GRIA1: variants seen among roughly 807,000 people sequenced by gnomAD.
GRIA1 encodes the protein glutamate ionotropic receptor AMPA type subunit 1, also known as glutamate receptor 1.
GRIA1 carries 31 observed loss-of-function variants against 99.2 expected under a neutral mutation model. That is an observed-to-expected ratio of 0.31 (90% confidence interval 0.23 to 0.42). GRIA1 has a LOEUF of 0.42. Among genes scored for constraint, GRIA1 ranks in the 10% least tolerant of loss-of-function variants. The probability of loss-of-function intolerance (pLI) is 1.00; values close to 1 mark genes in which losing one functional copy is unlikely to be tolerated. For synonymous variants in GRIA1, 438 were observed against 432.4 expected, an observed-to-expected ratio of 1.01 and a Z score of -0.16; for missense variants, 782 against 1,157.5, an observed-to-expected ratio of 0.68 and a Z score of 4.71.
At chr5:153,751,151 G>A (rs34343406) in intron 11 of GRIA1, among the ~76,000 whole-genome samples, 2,087 of 152,298 alleles carry the variant, frequency 0.014, 18 homozygotes, top group Middle Eastern at 0.031. Flanking sequence ...TTTGCCCAAA[G>A]TCATACAACC....
intron 11 of GRIA1, among the ~76,000 whole-genome samples, chr5:153,763,622 T>A (rs1581615958): frequency 1.3e-5 from 2 of 152,142 alleles, no homozygotes; most frequent in Admixed American, 1.3e-4. Flanking sequence ...TCTTGTAATA[T>A]CTTGGGAAGC....
At chr5:153,593,470 T>C (rs1233571099) in intron 2 of GRIA1, among the ~76,000 whole-genome samples, 1 of 152,208 alleles carries the variant, frequency 6.6e-6, no homozygotes, top group Admixed American at 6.5e-5. Flanking sequence ...ATTAAATTAA[T>C]ATTCAGTATT....
At chr5:153,810,147 T>G (rs1766718422) in intron 15 of GRIA1, among the ~76,000 whole-genome samples, 1 of 152,240 alleles carries the variant, frequency 6.6e-6, no homozygotes, top group Admixed American at 6.5e-5. Flanking sequence ...TTAACTCATC[T>G]GATTCTGGGG....
intron 2 of GRIA1, among the ~76,000 whole-genome samples, chr5:153,591,369 G>A (rs1382463071): frequency 2.0e-5 from 3 of 152,158 alleles, no homozygotes; most frequent in Non-Finnish European, 4.4e-5. Flanking sequence ...TTGTCACGCA[G>A]CATTGTGCTA....
chr5:153,570,544 A>C (rs902271841), intron 2 of GRIA1, among the ~76,000 whole-genome samples: 3 of 152,196 alleles, frequency 2.0e-5, no homozygotes, highest in Non-Finnish European at 2.9e-5. Flanking sequence ...CAGAATAGAC[A>C]ATTTTTTTTC....
intron 11 of GRIA1, among the ~76,000 whole-genome samples, chr5:153,748,138 T>C (rs572382716): frequency 6.6e-6 from 1 of 152,182 alleles, no homozygotes; most frequent in Non-Finnish European, 1.5e-5. Context: ...TTGGTACATA[T>C]GTAATTATAT....
chr5:153,689,469 G>C (rs779221196), intron 8 of GRIA1, among the ~76,000 whole-genome samples: 7 of 152,180 alleles, frequency 4.6e-5, no homozygotes, highest in South Asian at 2.1e-4. Context: ...TATGGATGTC[G>C]AACTGTTTTC....
rs181070112 is a variant in GRIA1 at position 153,625,301 on chromosome 5, C to A, written c.221-21627C>A. On this transcript the variant is annotated intron_variant, in intron 2 of 15. Transcript: ENST00000285900. ...ATTAACTGTATGACTTTGGGCAAGG[C>A]TCTTTCCTGGTCCCAGCCCAGCCCC... Among the ~76,000 whole-genome samples, 33 of 152,322 alleles carry A rather than the reference C, an allele frequency of 2.2e-4. No individual in the cohort carries two copies. In the East Asian group the frequency reaches 5.8e-3, roughly 27 times the overall value.
intron 2 of GRIA1, among the ~76,000 whole-genome samples, chr5:153,539,653 G>A (rs74456587): frequency 0.11 from 16,873 of 152,120 alleles, 1,043 homozygotes; most frequent in African/African-American, 0.16. Context: ...TGTTGCTCAC[G>A]GGCAAGCTGC....
At chr5:153,772,892 G>A (rs573628116) in intron 13 of GRIA1, among the ~76,000 whole-genome samples, 27 of 152,318 alleles carry the variant, frequency 1.8e-4, no homozygotes, top group East Asian at 9.6e-4. Context: ...ATACATGGAT[G>A]TGAAGTTAAG....
intron 5 of GRIA1, among the ~76,000 whole-genome samples, chr5:153,657,754 G>A (rs1032407192): frequency 1.3e-5 from 2 of 152,092 alleles, no homozygotes; most frequent in South Asian, 2.1e-4. Context: ...GCAATATTTC[G>A]GAGTGAGGAC....
At chr5:153,609,462 A>G (rs1326074261) in intron 2 of GRIA1, among the ~76,000 whole-genome samples, 1 of 151,510 alleles carries the variant, frequency 6.6e-6, no homozygotes, top group Non-Finnish European at 1.5e-5. Context: ...TTCTCCCTTC[A>G]TATGAGGAAT....
chr5:153,757,008 A>T (rs1762876477), intron 11 of GRIA1, among the ~76,000 whole-genome samples: 1 of 152,208 alleles, frequency 6.6e-6, no homozygotes, highest in Non-Finnish European at 1.5e-5. Flanking sequence ...GAAATATATG[A>T]TCTGTTGGAC....
At chr5:153,636,897 G>A (rs948202296) in intron 2 of GRIA1, among the ~76,000 whole-genome samples, 4 of 152,220 alleles carry the variant, frequency 2.6e-5, no homozygotes, top group African/African-American at 4.8e-5. Flanking sequence ...TCAGGGGATG[G>A]AGTAGCATGG....
chr5:153,519,229 TC>T (rs1348347007), intron 2 of GRIA1, among the ~76,000 whole-genome samples: 4 of 151,652 alleles, frequency 2.6e-5, no homozygotes, highest in Admixed American at 6.6e-5. Flanking sequence ...GCCACTGCAC[TC>T]CAGCCTGGAC....
At chr5:153,537,254 C>T (rs898596397) in intron 2 of GRIA1, among the ~76,000 whole-genome samples, 9 of 152,292 alleles carry the variant, frequency 5.9e-5, no homozygotes, top group African/African-American at 1.2e-4. Flanking sequence ...GGATCATAAA[C>T]GCACTTTGCA....
chr5:153,572,541 A>T (rs909560708), intron 2 of GRIA1, among the ~76,000 whole-genome samples: 7 of 152,156 alleles, frequency 4.6e-5, no homozygotes, highest in African/African-American at 1.7e-4. Flanking sequence ...GCCACAATTG[A>T]TTAGAGCTGT....
intron 2 of GRIA1, among the ~76,000 whole-genome samples, chr5:153,573,057 G>T (rs544860301): frequency 6.6e-6 from 1 of 152,176 alleles, no homozygotes; most frequent in Admixed American, 6.5e-5. Flanking sequence ...GCCACGTTGA[G>T]TGACAACCCA....
intron 11 of GRIA1, among the ~76,000 whole-genome samples, chr5:153,742,026 A>G (rs913033033): frequency 2.6e-5 from 4 of 152,154 alleles, no homozygotes; most frequent in Admixed American, 2.6e-4. Context: ...ACTGCATAGC[A>G]TATCACAGCA....
Sources: gnomAD v4.1 joint callset for allele counts (sites outside exome capture counted in the v4.1 genomes callset) on GRCh38, gnomAD v4.1.1 for gene constraint, MANE v1.5 for transcripts, NCBI Gene and HGNC (gene_info 2026-07-23, HGNC 2026-07-21) for gene names.